The following MAPKBP1 variants were observed in gnomAD, a reference collection of about 807,000 sequenced individuals.
The protein encoded by MAPKBP1 is mitogen-activated protein kinase-binding protein 1.
In MAPKBP1, 71 loss-of-function variants were observed where a neutral mutation model predicts 170.5. The ratio of observed to expected loss-of-function variants is 0.42; its 90% confidence interval spans 0.34 to 0.51. The LOEUF (loss-of-function observed/expected upper bound fraction) is 0.51, where lower values mean the gene tolerates loss of function less well. Ranked by LOEUF, MAPKBP1 falls within the 20% of genes least tolerant of loss-of-function variation. MAPKBP1 has a pLI of 0.06. For synonymous variants in MAPKBP1, 719 were observed against 757.9 expected, an observed-to-expected ratio of 0.95 and a Z score of 0.84; for missense variants, 1,598 against 1,933.0, an observed-to-expected ratio of 0.83 and a Z score of 3.25.
chr15:41,821,951 T>A lies in MAPKBP1; in HGVS notation c.2886-14T>A. On this transcript the variant is annotated splice_polypyrimidine_tract_variant and intron_variant, in intron 24 of 30. Transcript: ENST00000457542. ...GCTCACTGCCTTTTCTTCTCCCTGCTGGAATCCTGACAGTGAGTTCCAAGT... is the reference window on the plus strand; with the variant it reads ...GCTCACTGCCTTTTCTTCTCCCTGCAGGAATCCTGACAGTGAGTTCCAAGT... 1 of 1,609,616 alleles carries A rather than the reference T, an allele frequency of 6.2e-7. No homozygotes were observed. Among genetic ancestry groups the A allele is most frequent in the African/African-American group, 1.3e-5 (1 of 74,928 alleles).
Position 41,810,955 on chromosome 15 carries a change from C to G in MAPKBP1, c.269+10C>G, listed in dbSNP as rs2064794331. 1.2e-6 allele frequency: 2 copies of G among 1,614,104 alleles called. No homozygotes were observed. The highest frequency in any genetic ancestry group is 4.5e-5 in the East Asian group (2 of 44,876). ...TCCTCAACAGTTCCAGGTAAATGGG[C>G]TGGGGTCCTCAGGATACCTCTTCCT... On this transcript the variant is annotated intron_variant, in intron 4 of 30. Transcript: ENST00000457542.
At chr15:41,797,980 G>A (rs924657687) in intron 2 of MAPKBP1, among the ~76,000 whole-genome samples, 1 of 152,032 alleles carries the variant, frequency 6.6e-6, no homozygotes, top group Non-Finnish European at 1.5e-5. Flanking sequence ...GCCGGGTGCG[G>A]TGGCTCATGC....
rs2065043922 is a variant in MAPKBP1, at chr15:41,823,785, G to A, written c.3937G>A (p.Gly1313Ser). The A allele has an allele frequency of 1.2e-6, 2 of 1,614,124 alleles. No homozygotes were observed. The highest frequency in any genetic ancestry group is 1.3e-5 in the African/African-American group (1 of 75,016). Residue 1313 changes from glycine to serine, a missense_variant, in exon 29 of 31, where the codon GGC becomes AGC. By Grantham distance (56) the Gly-to-Ser change is moderately conservative. Coordinates refer to ENST00000457542, the MANE Select transcript of MAPKBP1 (RefSeq NM_014994.3). ...GGCTGCATTCTCTCCTGTCACCAAAGGCCGGGCCCCTGGCGAGGCAGAAAA... is the reference window on the plus strand; with the variant it reads ...GGCTGCATTCTCTCCTGTCACCAAAAGCCGGGCCCCTGGCGAGGCAGAAAA... ...TLAAFSPVTK[G>S]RAPGEAEKPG...
rs1239619061 is a variant in MAPKBP1 at position 41,815,300 on chromosome 15, C to T, written c.1212C>T (p.Pro404=). The change falls in exon 11 of 31, where the codon CCC becomes CCT. Residue 404 remains proline (P), a synonymous_variant. Transcript: ENST00000457542. ...EVKDSNQACL[P]PSSFITCSSD... ...AGGATAGTAACCAGGCCTGCCTGCC[C>T]CCCAGTTCCTTTATTACCTGCTCCT... is the stretch of plus-strand genomic sequence containing the variant. 5.0e-6 allele frequency: 8 copies of T among 1,614,202 alleles called. No individual in the cohort carries two copies. The South Asian group carries it at 8.8e-5, about 18-fold the overall frequency.
chr15:41,791,761 A>C (rs2064399626), intron 2 of MAPKBP1, among the ~76,000 whole-genome samples: 1 of 151,788 alleles, frequency 6.6e-6, no homozygotes, highest in South Asian at 2.1e-4. Flanking sequence ...TCTCCACTTC[A>C]CTGGCTTCCT....
In MAPKBP1 at chr15:41,821,677, G is replaced by A; in HGVS notation, c.2812G>A (p.Asp938Asn). 6.2e-7 allele frequency: 1 copy of A among 1,614,156 alleles called. No individual in the cohort carries two copies. Among genetic ancestry groups the A allele is most frequent in the East Asian group, 2.2e-5 (1 of 44,874 alleles). ...ACAAGAGGAAGGGGTCTTTGCCCAA[G>A]ATCTGGAACCTGCACCCATTGAAGA... ...LSQEEGVFAQ[D>N]LEPAPIEDGI... Residue 938 changes from aspartate (D) to asparagine (N), a missense_variant, in exon 24 of 31, where the codon GAT (aspartate) becomes AAT (asparagine). By Grantham distance (23) the Asp-to-Asn change is conservative. Around this residue, in one of 6 missense-constraint regions of MAPKBP1, gnomAD observed 942 missense variants for 953.2 expected, o/e 0.99. Transcript: ENST00000457542.
chr15:41,811,569 A>G (rs1227778963), intron 5 of MAPKBP1: 6 of 621,162 alleles, frequency 9.7e-6, no homozygotes, highest in Non-Finnish European at 1.8e-5. Context: ...TGCCTTAACT[A>G]TTCCTTACCC....
chr15:41,802,500 G>GTC (rs1372324706), intron 3 of MAPKBP1, among the ~76,000 whole-genome samples: 5 of 152,004 alleles, frequency 3.3e-5, no homozygotes, highest in Admixed American at 6.6e-5. Flanking sequence ...CCGAGATGGA[G>GTC]TCTCCCTCTG....
At chr15:41,816,454 A>C in intron 12 of MAPKBP1, 105 bp from the exon 13 acceptor site, 2 of 742,622 alleles carry the variant, frequency 2.7e-6, no homozygotes, top group Non-Finnish European at 4.6e-6. Flanking sequence ...TAAGCCTAAA[A>C]GTTCAAAAAA....
chr15:41,824,722 G>A (rs781346290), intron 30 of MAPKBP1, among the ~76,000 whole-genome samples, 153 bp downstream of exon 30: 28 of 152,220 alleles, frequency 1.8e-4, no homozygotes, highest in Non-Finnish European at 3.4e-4. Context: ...GGGGGTTAGA[G>A]GCCAGGCTAG....
At chr15:41,810,466 C>T (rs1044249441) in intron 3 of MAPKBP1, among the ~76,000 whole-genome samples, 2 of 151,162 alleles carry the variant, frequency 1.3e-5, no homozygotes, top group Non-Finnish European at 2.9e-5. Context: ...CCTGTAATCC[C>T]AGCACTTTGG....
At chr15:41,785,205 C>G (rs946365620) in intron 2 of MAPKBP1, among the ~76,000 whole-genome samples, 3 of 152,026 alleles carry the variant, frequency 2.0e-5, no homozygotes, top group African/African-American at 7.2e-5. Flanking sequence ...GTGAGAGGTC[C>G]TTTTTTGTAG....
intron 2 of MAPKBP1, among the ~76,000 whole-genome samples, chr15:41,797,021 A>C (rs1379372994): frequency 6.6e-6 from 1 of 152,310 alleles, no homozygotes; most frequent in East Asian, 1.9e-4. Flanking sequence ...GTCTCTATAT[A>C]CTGGCTCATG....
chr15:41,779,467 C>A (rs1357135149), intron 2 of MAPKBP1, among the ~76,000 whole-genome samples: 1 of 152,192 alleles, frequency 6.6e-6, no homozygotes, highest in Non-Finnish European at 1.5e-5. Context: ...CCTCAGCCTC[C>A]CAAAGTGCTG....
Position 41,820,823 on chromosome 15 carries a change from T to G in MAPKBP1, c.2482-9T>G. Reference sequence around the variant, plus strand: ...TGTTACTCCTCCCCCACCCCCTACCTCCCACCAGGCACAGGAGTCCGTGGG... The same window carrying G: ...TGTTACTCCTCCCCCACCCCCTACCGCCCACCAGGCACAGGAGTCCGTGGG... On this transcript the variant is annotated splice_polypyrimidine_tract_variant and intron_variant, in intron 22 of 30. Transcript: ENST00000457542. 2 of 1,609,348 alleles carry G rather than the reference T, an allele frequency of 1.2e-6. No individual in the cohort carries two copies. Among genetic ancestry groups the G allele is most frequent in the Non-Finnish European group, 1.7e-6 (2 of 1,176,150 alleles).
At chr15:41,806,305 G>A (rs2064691182) in intron 3 of MAPKBP1, among the ~76,000 whole-genome samples, 2 of 152,310 alleles carry the variant, frequency 1.3e-5, no homozygotes, top group South Asian at 2.1e-4. Context: ...ACATTTGAGC[G>A]AGGCCAGAAG....
chr15:41,815,798 A>C lies in MAPKBP1; in HGVS notation c.1492A>C (p.Arg498=). 2.5e-6 allele frequency: 4 copies of C among 1,611,392 alleles called. No homozygotes were observed. The highest frequency in any genetic ancestry group is 1.1e-5 in the South Asian group (1 of 91,010). Residue 498 remains arginine (R), a splice_region_variant and synonymous_variant, in exon 12 of 31, where the codon AGG becomes CGG. Coordinates refer to ENST00000457542, the MANE Select transcript of MAPKBP1 (RefSeq NM_014994.3). ...ATCAGGGGACCGTATGGGCACACTT[A>C]GGTAATGCCAGGCCCTGGGTGGGTA... is the stretch of plus-strand genomic sequence containing the variant. ...LASGDRMGTL[R]VHELQSLSEM... is the part of the protein sequence containing the mutation.
At chr15:41,824,124 G>A (rs879295524) in intron 29 of MAPKBP1, 63 bp downstream of exon 29, 106 of 1,526,416 alleles carry the variant, frequency 6.9e-5, no homozygotes, top group Middle Eastern at 1.8e-4. Context: ...TCTGTTGGCC[G>A]CTGTCTGGCT....
intron 2 of MAPKBP1, among the ~76,000 whole-genome samples, chr15:41,775,798 A>G (rs1596056383): frequency 6.6e-6 from 1 of 152,246 alleles, no homozygotes; most frequent in Non-Finnish European, 1.5e-5. Flanking sequence ...GTAAGACTGT[A>G]GTGGCAGAAA....
Sources: allele counts gnomAD v4.1 joint callset (sites outside exome capture counted in the v4.1 genomes callset), GRCh38; gene constraint gnomAD v4.1.1; regional missense constraint gnomAD v4.1.1; transcripts MANE v1.5; gene names NCBI Gene and HGNC (gene_info 2026-07-23, HGNC 2026-07-21).